Variants in ANKRD30BL observed in about 807,000 individuals in gnomAD.
The protein encoded by ANKRD30BL is putative ankyrin repeat domain-containing protein 30B-like.
Under a neutral mutation model 18.4 loss-of-function variants are expected in ANKRD30BL, and 20 were observed. The ratio of observed to expected loss-of-function variants is 1.09; its 90% confidence interval spans 0.77 to 1.58. The LOEUF (loss-of-function observed/expected upper bound fraction) is 1.58, where lower values mean the gene tolerates loss of function less well. ANKRD30BL is among the 40% of genes most tolerant of loss of function. The pLI, the probability that ANKRD30BL is intolerant of heterozygous loss-of-function variation, is 0.00. For synonymous variants in ANKRD30BL, 72 were observed against 100.9 expected, an observed-to-expected ratio of 0.71 and a Z score of 1.72; for missense variants, 224 against 268.6, an observed-to-expected ratio of 0.83 and a Z score of 1.16.
chr2:132,209,800 T>C (rs71260749), intron 1 of ANKRD30BL, among the ~76,000 whole-genome samples: 2 of 150,672 alleles, frequency 1.3e-5, no homozygotes, highest in Non-Finnish European at 3.0e-5. Flanking sequence ...CTTTGTGTAG[T>C]ATTTGCAAGT....
rs867125900 is a variant in ANKRD30BL, at chr2:132,211,504, T to C, written n.441+46025A>G. 1.2e-3 allele frequency among the ~76,000 whole-genome samples: 190 copies of C among 152,182 alleles called. 1 individual carries two copies. Among genetic ancestry groups the C allele is most frequent in the Middle Eastern group, 6.8e-3 (2 of 294 alleles). On this transcript the variant is annotated intron_variant and non_coding_transcript_variant, in intron 1 of 4. Transcript: ENST00000470729. Reference sequence around the variant, plus strand: ...ATTGAGCAGTTTTTAAACACTCTTTTTGTAGAATCTGCAAAAGGATATTTG... The same window carrying C: ...ATTGAGCAGTTTTTAAACACTCTTTCTGTAGAATCTGCAAAAGGATATTTG...
At chr2:132,221,723 C>A (rs2104771248) in intron 1 of ANKRD30BL, among the ~76,000 whole-genome samples, 2 of 111,580 alleles carry the variant, frequency 1.8e-5, no homozygotes, top group East Asian at 5.5e-4. Flanking sequence ...GGCCAGCCGC[C>A]CCGTCCGGGA....
At chr2:132,169,417 G>A (rs995355051) in intron 1 of ANKRD30BL, among the ~76,000 whole-genome samples, 2 of 148,576 alleles carry the variant, frequency 1.3e-5, no homozygotes, top group Non-Finnish European at 1.5e-5. Context: ...GGGAGGCTGA[G>A]GTGGGCACAT....
chr2:132,166,306 A>T (rs4610103), upstream of ANKRD30BL, among the ~76,000 whole-genome samples: 93,293 of 151,888 alleles, frequency 0.61, 30,394 homozygotes, highest in African/African-American at 0.85. Context: ...TTTACCTCAC[A>T]GAATGAATTA....
chr2:132,213,554 C>T (rs918839855), intron 1 of ANKRD30BL, among the ~76,000 whole-genome samples: 4 of 152,268 alleles, frequency 2.6e-5, no homozygotes, highest in Non-Finnish European at 4.4e-5. Flanking sequence ...TTGAACCATA[C>T]TTTTGATTGA....
intron 1 of ANKRD30BL, among the ~76,000 whole-genome samples, chr2:132,213,735 G>A (rs1679417419): frequency 1.3e-5 from 2 of 152,268 alleles, no homozygotes; most frequent in South Asian, 2.1e-4. Flanking sequence ...TTTTCATTGA[G>A]CAGTTTTGAA....
At chr2:132,183,280 T>G (rs1315893373) in intron 1 of ANKRD30BL, among the ~76,000 whole-genome samples, 1 of 151,982 alleles carries the variant, frequency 6.6e-6, no homozygotes, top group Non-Finnish European at 1.5e-5. Flanking sequence ...TACAGACATG[T>G]GCCATCATGC....
At chr2:132,182,404 C>A (rs1573821544) in intron 1 of ANKRD30BL, among the ~76,000 whole-genome samples, 3 of 151,638 alleles carry the variant, frequency 2.0e-5, no homozygotes, top group South Asian at 2.1e-4. Flanking sequence ...ATGGCATGAA[C>A]CCTGGAGACA....
chr2:132,233,021 G>A (rs903319187), intron 1 of ANKRD30BL, among the ~76,000 whole-genome samples: 1 of 151,886 alleles, frequency 6.6e-6, no homozygotes, highest in African/African-American at 2.4e-5. Context: ...AGAGAGTGGG[G>A]GCCGATATTC....
At chr2:132,242,352 T>C (rs1318072209) in intron 1 of ANKRD30BL, among the ~76,000 whole-genome samples, 1 of 151,534 alleles carries the variant, frequency 6.6e-6, no homozygotes, top group African/African-American at 2.4e-5. Flanking sequence ...GAGGATATCG[T>C]TGGAAACGGG....
chr2:132,229,384 C>T (rs950566185), intron 1 of ANKRD30BL, among the ~76,000 whole-genome samples: 11 of 152,256 alleles, frequency 7.2e-5, no homozygotes, highest in African/African-American at 2.6e-4. Flanking sequence ...TGGAAACACT[C>T]TTTTTGTAGA....
chr2:132,256,376 C>G (rs77259035), intron 1 of ANKRD30BL, among the ~76,000 whole-genome samples: 21 of 152,114 alleles, frequency 1.4e-4, no homozygotes, highest in Admixed American at 9.2e-4. Flanking sequence ...AACCCCCCGA[C>G]GGGCTCACCA....
intron 1 of ANKRD30BL, among the ~76,000 whole-genome samples, chr2:132,169,911 C>T (rs1688249966): frequency 6.6e-6 from 1 of 151,964 alleles, no homozygotes; most frequent in Admixed American, 6.6e-5. Context: ...TGAATGTTCT[C>T]CTATAAAGTA....
chr2:132,186,387 A>G (rs1328233319), intron 1 of ANKRD30BL, among the ~76,000 whole-genome samples: 1 of 152,192 alleles, frequency 6.6e-6, no homozygotes, highest in Non-Finnish European at 1.5e-5. Context: ...AGAGGCTGGT[A>G]TTGAACATGT....
At chr2:132,245,425 G>T (rs1680469592) in intron 1 of ANKRD30BL, among the ~76,000 whole-genome samples, 2 of 8,920 alleles carry the variant, frequency 2.2e-4, no homozygotes. Flanking sequence ...GAGGCCTATG[G>T]AGAAAAAAGG....
At chr2:132,166,502 A>T (rs1048434725), upstream of ANKRD30BL, among the ~76,000 whole-genome samples, 2 of 151,500 alleles carry the variant, frequency 1.3e-5, no homozygotes, top group Non-Finnish European at 2.9e-5. Context: ...CATGTTATCT[A>T]TTTTTTCTTT....
chr2:132,150,769 C>T, intron 5 of ANKRD30BL, 143 bp downstream of exon 5: 1 of 317,646 alleles, frequency 3.1e-6, no homozygotes, highest in East Asian at 4.8e-5. Flanking sequence ...TAAATCAAAG[C>T]TTTGTATATA....
At chr2:132,155,740 A>G (rs1038695973) in intron 3 of ANKRD30BL, 1 of 151,968 alleles carries the variant, frequency 6.6e-6, no homozygotes, top group Non-Finnish European at 1.5e-5. Context: ...TCTGCTAAAA[A>G]TACAAAAAAT....
intron 1 of ANKRD30BL, among the ~76,000 whole-genome samples, chr2:132,184,889 T>G (rs1348291463): frequency 6.6e-6 from 1 of 151,924 alleles, no homozygotes; most frequent in Non-Finnish European, 1.5e-5. Flanking sequence ...TCTCAGCTCA[T>G]GCAATTTCCA....
Sources: gnomAD v4.1 joint callset for allele counts (sites outside exome capture counted in the v4.1 genomes callset) on GRCh38, gnomAD v4.1.1 for gene constraint, MANE v1.5 for transcripts, NCBI Gene and HGNC (gene_info 2026-07-23, HGNC 2026-07-21) for gene names.